CSMD1: variants seen among roughly 807,000 people sequenced by gnomAD.
The protein encoded by CSMD1 is CUB and Sushi multiple domains 1.
Under a neutral mutation model 417.5 loss-of-function variants are expected in CSMD1, and 213 were observed. The observed-to-expected ratio is 0.51, with a 90% CI of 0.46 to 0.57. The LOEUF is 0.57. CSMD1 is among the 20% of genes least tolerant of loss of function. The pLI is 0.00. For missense variants in CSMD1, 6,923 were observed against 4,529.7 expected (o/e 1.53, Z -15.17); for synonymous variants, 2,862 against 1,736.8 (o/e 1.65, Z -16.11).
At chr8:4,424,592 C>G (rs1318978153) in intron 2 of CSMD1, among the ~76,000 whole-genome samples, 2 of 151,984 alleles carry the variant, frequency 1.3e-5, no homozygotes, top group South Asian at 2.1e-4. Context: ...TGCTCTTATA[C>G]TGCTGGTGGA....
At chr8:4,066,991 A>G (rs1585240780) in intron 3 of CSMD1, among the ~76,000 whole-genome samples, 1 of 152,268 alleles carries the variant, frequency 6.6e-6, no homozygotes, top group African/African-American at 2.4e-5. Flanking sequence ...AAGCAACTCC[A>G]CAACTGAGAA....
intron 12 of CSMD1, among the ~76,000 whole-genome samples, chr8:3,454,087 G>A (rs1585188478): frequency 6.6e-6 from 1 of 151,950 alleles, no homozygotes; most frequent in Non-Finnish European, 1.5e-5. Context: ...TGTCTCTTTT[G>A]ATCTTTGTTG....
chr8:3,442,323 T>C (rs1207402262), intron 12 of CSMD1, among the ~76,000 whole-genome samples: 1 of 152,194 alleles, frequency 6.6e-6, no homozygotes, highest in Non-Finnish European at 1.5e-5. Context: ...TACAGCAGTG[T>C]ATGGTAATGT....
intron 10 of CSMD1, among the ~76,000 whole-genome samples, chr8:3,538,530 C>A (rs1053471884): frequency 2.0e-5 from 3 of 151,704 alleles, no homozygotes; most frequent in African/African-American, 7.3e-5. Context: ...ACCTGCGATG[C>A]CTCGCCTGCG....
intron 10 of CSMD1, among the ~76,000 whole-genome samples, chr8:3,533,014 G>C (rs1585316892): frequency 6.6e-6 from 1 of 152,074 alleles, no homozygotes. Context: ...CAAATTAAGT[G>C]AATAATGTGT....
intron 1 of CSMD1, among the ~76,000 whole-genome samples, chr8:4,645,443 G>GCAAAAAA (rs1803458251): frequency 8.3e-5 from 1 of 12,058 alleles, no homozygotes. Context: ...TAGTGCAGGG[G>GCAAAAAA]CAAAAAAAAA....
chr8:3,936,292 C>T (rs536284108), intron 5 of CSMD1, among the ~76,000 whole-genome samples: 118 of 152,020 alleles, frequency 7.8e-4, no homozygotes, highest in African/African-American at 2.6e-3. Flanking sequence ...AGATCAGTGA[C>T]GAAGGTGGCT....
At chr8:4,947,435 T>A (rs1056832423) in intron 1 of CSMD1, among the ~76,000 whole-genome samples, 16 of 152,042 alleles carry the variant, frequency 1.1e-4, no homozygotes, top group African/African-American at 3.4e-4. Flanking sequence ...CTCACATAGG[T>A]AAGAAATGTC....
intron 4 of CSMD1, among the ~76,000 whole-genome samples, chr8:4,015,033 A>AT (rs1796454689): frequency 6.6e-6 from 1 of 152,170 alleles, no homozygotes; most frequent in Admixed American, 6.5e-5. Context: ...TCTAAGACTG[A>AT]TTTTTTTGAA....
intron 2 of CSMD1, among the ~76,000 whole-genome samples, chr8:4,599,949 G>A (rs572593540): frequency 6.6e-5 from 10 of 152,200 alleles, no homozygotes; most frequent in South Asian, 4.1e-4. Context: ...GATCTGACAC[G>A]CATATGCTCT....
At chr8:4,614,108 CAG>C (rs374038478) in intron 2 of CSMD1, among the ~76,000 whole-genome samples, 41 of 152,062 alleles carry the variant, frequency 2.7e-4, no homozygotes, top group African/African-American at 9.2e-4. Flanking sequence ...TGAGAACGGA[CAG>C]AGATGCAATA....
At chr8:3,985,277 A>G (rs535406897) in intron 5 of CSMD1, among the ~76,000 whole-genome samples, 7 of 152,340 alleles carry the variant, frequency 4.6e-5, no homozygotes, top group Admixed American at 3.3e-4. Flanking sequence ...CACACCATGC[A>G]CAAAGCACAT....
rs115238599 is a variant in CSMD1, at chr8:3,783,266, G to T, written c.819-29224C>A. 7.9e-3 allele frequency among the ~76,000 whole-genome samples: 1,196 copies of T among 152,220 alleles called. 17 individuals carry two copies. Among genetic ancestry groups the T allele is most frequent in the African/African-American group, 0.024 (1,017 of 41,552 alleles). On this transcript the variant is annotated intron_variant, in intron 5 of 69. Transcript: ENST00000635120. ...TGTGTAGGTGCTCCCGGAAAAACTG[G>T]TTTTTTGCAAAACTCACCATTAGAA...
chr8:3,024,232 T>C (rs1259104667), intron 51 of CSMD1, among the ~76,000 whole-genome samples: 2 of 151,170 alleles, frequency 1.3e-5, no homozygotes, highest in Non-Finnish European at 2.9e-5. Flanking sequence ...AAAAAATGAA[T>C]TAATGTGTTT....
chr8:4,737,000 G>T (rs1317298847), intron 1 of CSMD1, among the ~76,000 whole-genome samples: 1 of 151,988 alleles, frequency 6.6e-6, no homozygotes, highest in African/African-American at 2.4e-5. Flanking sequence ...CTTGATTTTT[G>T]CATTTAACAT....
chr8:3,588,575 T>C (rs1800703566), intron 8 of CSMD1, among the ~76,000 whole-genome samples: 2 of 152,162 alleles, frequency 1.3e-5, no homozygotes, highest in African/African-American at 4.8e-5. Flanking sequence ...GGCTCTCTGC[T>C]CCTATAACAC....
chr8:3,307,997 A>C (rs1805016820), intron 24 of CSMD1, among the ~76,000 whole-genome samples, 176 bp from the exon 25 acceptor site: 1 of 152,082 alleles, frequency 6.6e-6, no homozygotes, highest in African/African-American at 2.4e-5. Flanking sequence ...ACCTCTGTGG[A>C]AAGTCTTTAT....
At chr8:4,395,347 T>C (rs1464587851) in intron 3 of CSMD1, among the ~76,000 whole-genome samples, 1 of 152,190 alleles carries the variant, frequency 6.6e-6, no homozygotes, top group East Asian at 1.9e-4. Context: ...AGAGCATTGT[T>C]TGCATTAAGA....
intron 1 of CSMD1, among the ~76,000 whole-genome samples, chr8:4,646,188 G>C (rs923185174): frequency 6.6e-6 from 1 of 152,090 alleles, no homozygotes; most frequent in African/African-American, 2.4e-5. Flanking sequence ...CCAGTGGAGA[G>C]AATTCTCTTC....
Sources: allele counts gnomAD v4.1 joint callset (sites outside exome capture counted in the v4.1 genomes callset), GRCh38; gene constraint gnomAD v4.1.1; transcripts MANE v1.5; gene names NCBI Gene and HGNC (gene_info 2026-07-23, HGNC 2026-07-21).